The following KDR variants were observed in gnomAD, a reference collection of about 807,000 sequenced individuals.
KDR encodes kinase insert domain receptor.
In KDR, 43 loss-of-function variants were observed where a neutral mutation model predicts 160.9. That is an observed-to-expected ratio of 0.27 (90% CI 0.21 to 0.34). KDR has a LOEUF of 0.34. Among genes scored for constraint, KDR ranks in the 10% least tolerant of loss-of-function variants. The pLI, the probability that KDR is intolerant of heterozygous loss-of-function variation, is 1.00. For missense variants in KDR, 1,469 were observed against 1,666.4 expected (o/e 0.88, Z 2.06); for synonymous variants, 617 against 600.1 (o/e 1.03, Z -0.41).
intron 6 of KDR, 69 bp from the exon 7 acceptor site, chr4:55,113,550 C>T: frequency 1.4e-6 from 2 of 1,388,270 alleles, no homozygotes; most frequent in South Asian, 2.3e-5. Context: ...TCTAGTAACA[C>T]ACAGAATTAA....
intron 25 of KDR, 50 bp from the exon 26 acceptor site, chr4:55,089,023 G>T: frequency 7.5e-7 from 1 of 1,338,358 alleles, no homozygotes; most frequent in Non-Finnish European, 1.1e-6. Context: ...CTTCCTGAAT[G>T]CTGAAAATAA....
intron 7 of KDR, 26 bp downstream of exon 7, chr4:55,113,278 G>T (rs772894112): frequency 1.2e-6 from 2 of 1,609,190 alleles, no homozygotes; most frequent in Non-Finnish European, 1.7e-6. Flanking sequence ...TCAAGGCACA[G>T]AATAATTTCC....
At chr4:55,096,797 C>A (rs1253972114) in intron 18 of KDR, 1 of 218,946 alleles carries the variant, frequency 4.6e-6, no homozygotes, top group Non-Finnish European at 9.2e-6. Context: ...TCTGTGCAGG[C>A]GAATTAAGGC....
At chr4:55,082,419 A>C in intron 28 of KDR, 117 bp downstream of exon 28, 1 of 758,354 alleles carries the variant, frequency 1.3e-6, no homozygotes, top group Non-Finnish European at 2.3e-6. Flanking sequence ...TGATACACAC[A>C]CTCGAGGGCA....
intron 15 of KDR, 61 bp downstream of exon 15, chr4:55,101,836 T>C: frequency 7.0e-7 from 1 of 1,430,524 alleles, no homozygotes; most frequent in Non-Finnish European, 9.8e-7. Context: ...TCAGATTCCT[T>C]TTTACGGCTG....
intron 22 of KDR, 46 bp from the exon 23 acceptor site, chr4:55,090,124 T>C: frequency 6.2e-7 from 1 of 1,610,968 alleles, no homozygotes; most frequent in Non-Finnish European, 8.5e-7. Flanking sequence ...ACAGCTGATC[T>C]CTTTCACATC....
chr4:55,092,771 T>C lies in KDR; in HGVS notation c.2972-57A>G, dbSNP rs1245071677. 3 of 1,240,630 alleles carry C rather than the reference T, an allele frequency of 2.4e-6. No homozygotes were observed. The East Asian group carries it at 7.0e-5, about 29-fold the overall frequency. 76.9% of individuals were successfully genotyped at this position (1,240,630 alleles called of 1,614,324 possible). On this transcript the variant is annotated intron_variant, in intron 21 of 29. Coordinates refer to ENST00000263923, the MANE Select transcript of KDR (RefSeq NM_002253.4). ...TATTTCCATGAGTTAGTGTGATGTT[T>C]CTAAGTTTGCTAGAGTAATAATCTT...
intron 6 of KDR, 26 bp from the exon 7 acceptor site, chr4:55,113,507 C>A (rs2110030449): frequency 6.2e-7 from 1 of 1,607,010 alleles, no homozygotes; most frequent in South Asian, 1.1e-5. Context: ...GACTGAACTT[C>A]CAAAGCACAG....
intron 20 of KDR, among the ~76,000 whole-genome samples, chr4:55,095,332 C>T (rs1444163633): frequency 2.6e-5 from 4 of 152,136 alleles, no homozygotes; most frequent in South Asian, 4.1e-4. Flanking sequence ...CCCCTTTCCT[C>T]GCTCATACCT....
chr4:55,121,302 A>T, intron 1 of KDR, 112 bp from the exon 2 acceptor site: 1 of 755,004 alleles, frequency 1.3e-6, no homozygotes, highest in Non-Finnish European at 2.3e-6. Context: ...TCAGCAATTC[A>T]TTGTATAAAA....
intron 5 of KDR, 59 bp downstream of exon 5, chr4:55,114,815 T>G: frequency 7.0e-7 from 1 of 1,432,300 alleles, no homozygotes; most frequent in African/African-American, 1.4e-5. Context: ...TGTTGTTATC[T>G]CCAAGATCTT....
chr4:55,098,244 T>C lies in KDR; in HGVS notation c.2402A>G (p.Tyr801Cys). Residue 801 changes from tyrosine to cysteine, a missense_variant, in exon 17 of 30, where the codon TAC becomes TGC. Physicochemically the swap from Tyr to Cys is radical, Grantham distance 194. This residue lies in a region of KDR where 118 missense variants were observed against 110.8 expected (regional missense o/e 1.06). Transcript: ENST00000263923. Reference protein sequence around the residue: ...RANGGELKTGYLSIVMDPDEL... With the variant: ...RANGGELKTGCLSIVMDPDEL... ...ATCTGGATCCATGACGATGGACAAG[T>C]AGCCTGTCTTCAGTTCCCCTCCATT... 6.2e-7 allele frequency: 1 copy of C among 1,613,888 alleles called. No homozygotes were observed. Among genetic ancestry groups the C allele is most frequent in the Non-Finnish European group, 8.5e-7 (1 of 1,179,848 alleles).
intron 18 of KDR, among the ~76,000 whole-genome samples, chr4:55,096,972 G>A (rs919409940): frequency 1.3e-5 from 2 of 152,118 alleles, no homozygotes; most frequent in African/African-American, 4.8e-5. Context: ...AGAGAAAAAA[G>A]GCAGATGGAG....
At chr4:55,086,697 C>T (rs537345674) in intron 27 of KDR, among the ~76,000 whole-genome samples, 2 of 152,290 alleles carry the variant, frequency 1.3e-5, no homozygotes, top group South Asian at 4.1e-4. Flanking sequence ...TTTCTGCTGC[C>T]CCACACGACT....
rs969753923 is a variant in KDR, at chr4:55,095,595, A to G, written c.2799T>C (p.Asn933=). 2.5e-6 allele frequency: 4 copies of G among 1,612,574 alleles called. No homozygotes were observed. The Admixed American group carries it at 5.0e-5, about 20-fold the overall frequency. ...GACATACCTTGTAGGGGACAAATTCATTTCTCTTGCTCCTCAGGTAAGTGG... is the reference window on the plus strand; with the variant it reads ...GACATACCTTGTAGGGGACAAATTCGTTTCTCTTGCTCCTCAGGTAAGTGG... ...NLSTYLRSKR[N]EFVPYKTKGA... is the part of the protein sequence containing the mutation. The change falls in exon 20 of 30, where the codon AAT becomes AAC. Residue 933 remains asparagine (N), a synonymous_variant. Transcript: ENST00000263923.
At chr4:55,085,945 C>T (rs748990463) in intron 27 of KDR, among the ~76,000 whole-genome samples, 8 of 152,258 alleles carry the variant, frequency 5.3e-5, no homozygotes, top group African/African-American at 7.2e-5. Context: ...AGGAGGCTGC[C>T]GACTCGGATC....
At chr4:55,107,399 A>T (rs1018063947) in intron 10 of KDR, among the ~76,000 whole-genome samples, 2 of 152,160 alleles carry the variant, frequency 1.3e-5, no homozygotes, top group East Asian at 3.9e-4. Context: ...CTTCACACAC[A>T]CAAGAAGGAG....
intron 14 of KDR, 99 bp downstream of exon 14, chr4:55,102,263 T>C: frequency 7.0e-6 from 10 of 1,434,242 alleles, no homozygotes; most frequent in Non-Finnish European, 9.8e-6. Flanking sequence ...ACACCAATAC[T>C]GCTTTTTTTC....
chr4:55,113,996 G>A, intron 6 of KDR, 130 bp downstream of exon 6: 1 of 864,822 alleles, frequency 1.2e-6, no homozygotes, highest in Non-Finnish European at 2.0e-6. Context: ...TGTGTGAGTG[G>A]GTGTGTATGT....
Sources: gnomAD v4.1 joint callset for allele counts (sites outside exome capture counted in the v4.1 genomes callset) on GRCh38, gnomAD v4.1.1 for gene constraint, gnomAD v4.1.1 regional missense constraint, MANE v1.5 for transcripts, NCBI Gene and HGNC (gene_info 2026-07-23, HGNC 2026-07-21) for gene names.